Variants in UNC13C observed in about 807,000 individuals in gnomAD.
UNC13C encodes the protein protein unc-13 homolog C.
In UNC13C, 174 loss-of-function variants were observed where a neutral mutation model predicts 245.4. That is an observed-to-expected ratio of 0.71 (90% CI 0.63 to 0.80). The LOEUF (loss-of-function observed/expected upper bound fraction) is 0.80. UNC13C is among the 30% of genes least tolerant of loss of function. The pLI is 0.00. For synonymous variants in UNC13C, 992 were observed against 895.1 expected, an observed-to-expected ratio of 1.11 and a Z score of -1.93; for missense variants, 2,829 against 2,602.9, an observed-to-expected ratio of 1.09 and a Z score of -1.89.
At chr15:54,043,000 G>A (rs1306037511) in intron 2 of UNC13C, among the ~76,000 whole-genome samples, 2 of 152,030 alleles carry the variant, frequency 1.3e-5, no homozygotes, top group East Asian at 3.9e-4. Context: ...TATTCAGCCT[G>A]GAAACATGAC....
At chr15:54,553,090 A>C (rs1394654947) in intron 28 of UNC13C, among the ~76,000 whole-genome samples, 1 of 51,998 alleles carries the variant, frequency 1.9e-5, no homozygotes, top group African/African-American at 7.0e-5. Flanking sequence ...TCTATATTAC[A>C]ATATATAATA....
At chr15:54,420,319 C>G (rs537897137) in intron 19 of UNC13C, among the ~76,000 whole-genome samples, 1 of 152,014 alleles carries the variant, frequency 6.6e-6, no homozygotes, top group African/African-American at 2.4e-5. Context: ...CTCAGTTGTT[C>G]TCAGCATGGA....
At chr15:54,390,858 C>T (rs1328850534) in intron 17 of UNC13C, among the ~76,000 whole-genome samples, 2 of 151,974 alleles carry the variant, frequency 1.3e-5, no homozygotes, top group Non-Finnish European at 2.9e-5. Flanking sequence ...TTTCAGCATG[C>T]AGTCTATTAC....
chr15:54,140,018 T>C (rs564906273), intron 2 of UNC13C, among the ~76,000 whole-genome samples: 1 of 152,158 alleles, frequency 6.6e-6, no homozygotes, highest in Non-Finnish European at 1.5e-5. Flanking sequence ...TTAATTATAT[T>C]TTGTGTTTCA....
Position 54,628,085 on chromosome 15 carries a change from T to C in UNC13C, c.*972T>C, listed in dbSNP as rs1411845144. On this transcript the variant is annotated 3_prime_UTR_variant, in exon 33 of 33. Coordinates refer to ENST00000260323, the MANE Select transcript of UNC13C (RefSeq NM_001080534.3). Reference sequence around the variant, plus strand: ...TTTCATCCACTTAGTGAAAAAATAGTAAAATTAAGTCGGAAGAAATTGCTT... The same window carrying C: ...TTTCATCCACTTAGTGAAAAAATAGCAAAATTAAGTCGGAAGAAATTGCTT... 2 of 151,818 alleles carry C rather than the reference T, an allele frequency of 1.3e-5. No homozygotes were observed. The highest frequency in any genetic ancestry group is 2.9e-5 in the Non-Finnish European group (2 of 67,992). 9.4% of individuals were successfully genotyped at this position (151,818 alleles called of 1,614,324 possible).
chr15:54,060,794 A>C, intron 2 of UNC13C, among the ~76,000 whole-genome samples: 1 of 152,084 alleles, frequency 6.6e-6, no homozygotes, highest in African/African-American at 2.4e-5. Flanking sequence ...AGCCATAAAA[A>C]ATGATGAGTT....
At chr15:54,293,201 A>G (rs1001236244) in intron 10 of UNC13C, among the ~76,000 whole-genome samples, 1 of 151,892 alleles carries the variant, frequency 6.6e-6, no homozygotes, top group Non-Finnish European at 1.5e-5. Context: ...GCAGATTCCT[A>G]AAGATTGATT....
At chr15:54,048,925 T>C in intron 2 of UNC13C, 1 of 277,896 alleles carries the variant, frequency 3.6e-6, no homozygotes, top group Non-Finnish European at 7.2e-6. Context: ...TACCACACTG[T>C]AAATTGAGTA....
chr15:54,348,340 G>A (rs1417326933), intron 17 of UNC13C, among the ~76,000 whole-genome samples: 1 of 152,102 alleles, frequency 6.6e-6, no homozygotes, highest in Non-Finnish European at 1.5e-5. Context: ...GTGGACAGAA[G>A]CACCCTTTAC....
At chr15:54,305,762 T>C (rs890212659) in intron 13 of UNC13C, among the ~76,000 whole-genome samples, 1 of 152,042 alleles carries the variant, frequency 6.6e-6, no homozygotes, top group Non-Finnish European at 1.5e-5. Flanking sequence ...AAATGCTGTC[T>C]TTTCTCTATA....
Position 54,395,475 on chromosome 15 carries a change from A to G in UNC13C, c.4847+2294A>G, listed in dbSNP as rs113842005. ...AATCTGTGGAGTCAGAAAACCTGCA[A>G]TTGACACAGAAGTCTGCAATATTAA... is the stretch of plus-strand genomic sequence containing the variant. On this transcript the variant is annotated intron_variant, in intron 18 of 32. Transcript: ENST00000260323. Among the ~76,000 whole-genome samples, 816 of 151,966 alleles carry G rather than the reference A, an allele frequency of 5.4e-3. 2 individuals carry two copies. The highest frequency in any genetic ancestry group is 0.019 in the African/African-American group (777 of 41,544).
At chr15:54,408,199 C>CAAAAAAAAAAAAAAAAAAAAAA (rs71105808) in intron 18 of UNC13C, among the ~76,000 whole-genome samples, 5 of 29,126 alleles carry the variant, frequency 1.7e-4, no homozygotes, top group African/African-American at 4.4e-4. Context: ...GACTCTGCCT[C>CAAAAAAAAAAAAAAAAAAAAAA]AAAAAAAAAA....
intron 30 of UNC13C, among the ~76,000 whole-genome samples, chr15:54,608,116 T>C (rs1243101532): frequency 6.6e-6 from 1 of 152,170 alleles, no homozygotes; most frequent in Non-Finnish European, 1.5e-5. Flanking sequence ...ATCATGTCTA[T>C]GTATTCCAGG....
At position 54,042,607 on chromosome 15, in the gene UNC13C, A is replaced by G. The variant is rs544395396; in HGVS notation, c.2983+26721A>G. Reference sequence around the variant, plus strand: ...GGTGGGTCACGCCTGTAATCCCAGCACTTTGGGAGGCTGAGGCGGGCGGAT... The same window carrying G: ...GGTGGGTCACGCCTGTAATCCCAGCGCTTTGGGAGGCTGAGGCGGGCGGAT... On this transcript the variant is annotated intron_variant, in intron 2 of 32. Coordinates refer to ENST00000260323, the MANE Select transcript of UNC13C (RefSeq NM_001080534.3). 2.0e-5 allele frequency among the ~76,000 whole-genome samples: 3 copies of G among 152,208 alleles called. No homozygotes were observed. The South Asian group carries it at 6.2e-4, about 32-fold the overall frequency.
intron 4 of UNC13C, among the ~76,000 whole-genome samples, chr15:54,202,778 A>C (rs1421127165): frequency 1.3e-5 from 2 of 151,966 alleles, no homozygotes. Context: ...ATGACCAAGA[A>C]TCCAAAGGCA....
upstream of UNC13C, among the ~76,000 whole-genome samples, chr15:53,973,625 T>G (rs1893608415): frequency 6.6e-6 from 1 of 151,876 alleles, no homozygotes; most frequent in Non-Finnish European, 1.5e-5. Context: ...AATTTTTACT[T>G]GAGGTCATCC....
chr15:54,519,928 G>T (rs972989903), intron 24 of UNC13C, among the ~76,000 whole-genome samples: 1 of 152,136 alleles, frequency 6.6e-6, no homozygotes, highest in Non-Finnish European at 1.5e-5. Flanking sequence ...AAGATGAAAA[G>T]ATTCCGGTCA....
chr15:54,455,238 T>TATATATATATATATATATATAA lies in UNC13C; in HGVS notation c.4934-39370_4934-39369insATATATATATATATATATATAA, dbSNP rs1416569966. On this transcript the variant is annotated intron_variant, in intron 19 of 32. Transcript: ENST00000260323. ...ATATATATATATATATATATATATA[T>TATATATATATATATATATATAA]GTTTTTTAATCCACTCATTGGTAGA... Among the ~76,000 whole-genome samples the TATATATATATATATATATATAA allele has an allele frequency of 7.1e-4, 50 of 70,106 alleles. 1 individual carries two copies. Among genetic ancestry groups the TATATATATATATATATATATAA allele is most frequent in the Non-Finnish European group, 9.1e-4 (32 of 35,214 alleles). 46.0% of individuals were successfully genotyped at this position (70,106 alleles called of 152,430 possible).
chr15:54,357,534 A>T (rs2039123328), intron 17 of UNC13C, among the ~76,000 whole-genome samples: 1 of 151,870 alleles, frequency 6.6e-6, no homozygotes. Context: ...TATACATTTA[A>T]ACATACTTTT....
Sources: gnomAD v4.1 joint callset for allele counts (sites outside exome capture counted in the v4.1 genomes callset) on GRCh38, gnomAD v4.1.1 for gene constraint, MANE v1.5 for transcripts, NCBI Gene and HGNC (gene_info 2026-07-23, HGNC 2026-07-21) for gene names.